DYRK1A: variants seen among roughly 807,000 people sequenced by gnomAD.
The protein encoded by DYRK1A is dual specificity tyrosine-phosphorylation-regulated kinase 1A.
A neutral mutation model predicts 79.7 loss-of-function variants in DYRK1A; 9 were observed. That is an observed-to-expected ratio of 0.11 (90% confidence interval 0.07 to 0.20). The LOEUF (loss-of-function observed/expected upper bound fraction) is 0.20, where lower values mean the gene tolerates loss of function less well. Among genes scored for constraint, DYRK1A ranks in the 10% least tolerant of loss-of-function variants. The pLI, the probability that DYRK1A is intolerant of heterozygous loss-of-function variation, is 1.00. For synonymous variants in DYRK1A, 349 were observed against 329.7 expected, an observed-to-expected ratio of 1.06 and a Z score of -0.63; for missense variants, 622 against 956.0, an observed-to-expected ratio of 0.65 and a Z score of 4.61.
chr21:37,508,189 A>G (rs887285561), intron 11 of DYRK1A, among the ~76,000 whole-genome samples: 2 of 152,222 alleles, frequency 1.3e-5, no homozygotes, highest in African/African-American at 2.4e-5. Flanking sequence ...TTGTCTTATT[A>G]GAATGGAGTG....
Position 37,478,274 on chromosome 21 carries a change from A to C in DYRK1A, c.274A>C (p.Ile92Leu). 1 of 1,614,020 alleles carries C rather than the reference A, an allele frequency of 6.2e-7. No individual in the cohort carries two copies. Among genetic ancestry groups the C allele is most frequent in the Non-Finnish European group, 8.5e-7 (1 of 1,179,878 alleles). ...APLRKLSVDL[I>L]KTYKHINEVY... ...CCTGAGAAAACTTTCTGTTGACTTG[A>C]TCAAAACATACAAGCATATTAATGA... Residue 92 changes from isoleucine to leucine, a missense_variant, in exon 4 of 12, where the codon ATC (isoleucine) becomes CTC (leucine). Ile to Leu is a conservative substitution (Grantham distance 5). Coordinates refer to ENST00000647188, the MANE Select transcript of DYRK1A (RefSeq NM_001347721.2).
chr21:37,483,701 G>T lies in DYRK1A; in HGVS notation c.490-2766G>T, dbSNP rs143828008. Among the ~76,000 whole-genome samples the T allele has an allele frequency of 4.9e-3, 746 of 152,192 alleles. 5 individuals are homozygous for T. The highest frequency in any genetic ancestry group is 0.017 in the African/African-American group (713 of 41,510). ...GGGTTCAAGTGATCCTCCCACTTCAGCCTCTAGAGTAGCTGGGACTACAGG... is the reference window on the plus strand; with the variant it reads ...GGGTTCAAGTGATCCTCCCACTTCATCCTCTAGAGTAGCTGGGACTACAGG... On this transcript the variant is annotated intron_variant, in intron 5 of 11. Transcript: ENST00000647188.
rs983377794 is a variant in DYRK1A at position 37,525,072 on chromosome 21, C to G, written c.*12541C>G. The G allele has an allele frequency of 6.6e-6, 1 of 152,186 alleles. No homozygotes were observed. The highest frequency in any genetic ancestry group is 2.4e-5 in the African/African-American group (1 of 41,418). The allele number at this position is 152,186 out of a possible 1,614,324, so 9.4% of individuals were successfully genotyped here. On this transcript the variant is annotated 3_prime_UTR_variant, in exon 12 of 12. Coordinates refer to ENST00000647188, the MANE Select transcript of DYRK1A (RefSeq NM_001347721.2). ...TGAGATTGCACCACTGTACTCCAGC[C>G]TGGATGACAGAGTGAGAACATTGTC...
chr21:37,385,027 C>A (rs1602377075), intron 1 of DYRK1A, among the ~76,000 whole-genome samples: 2 of 152,026 alleles, frequency 1.3e-5, no homozygotes, highest in African/African-American at 4.8e-5. Context: ...TTAATGTTGA[C>A]ATCTTGGACG....
chr21:37,435,213 C>T (rs1238733677), intron 2 of DYRK1A, among the ~76,000 whole-genome samples: 13 of 152,192 alleles, frequency 8.5e-5, no homozygotes, highest in African/African-American at 1.7e-4. Flanking sequence ...TTGGAAGTAG[C>T]TTTGCCCTGG....
chr21:37,473,548 G>GTTTC (rs1160824796), intron 3 of DYRK1A, among the ~76,000 whole-genome samples: 1 of 152,184 alleles, frequency 6.6e-6, no homozygotes, highest in East Asian at 1.9e-4. Context: ...TTGTGTGAAA[G>GTTTC]TTTCTTGCCC....
chr21:37,448,911 T>C (rs957034826), intron 2 of DYRK1A, among the ~76,000 whole-genome samples: 9 of 152,182 alleles, frequency 5.9e-5, no homozygotes, highest in African/African-American at 2.2e-4. Context: ...TTGTCCAGGC[T>C]GGTCTTGAAC....
intron 1 of DYRK1A, among the ~76,000 whole-genome samples, chr21:37,389,235 A>T (rs2049824042): frequency 6.6e-6 from 1 of 151,642 alleles, no homozygotes; most frequent in African/African-American, 2.4e-5. Flanking sequence ...AAACAAATAC[A>T]TACTGCAGTC....
chr21:37,403,634 TAA>T (rs11349987), intron 1 of DYRK1A, among the ~76,000 whole-genome samples: 5,467 of 119,312 alleles, frequency 0.046, 239 homozygotes, highest in African/African-American at 0.11. Flanking sequence ...CTCAGCTAAT[TAA>T]AAAAAAAAAA....
intron 1 of DYRK1A, among the ~76,000 whole-genome samples, chr21:37,370,698 G>A (rs1034907378): frequency 6.6e-6 from 1 of 152,062 alleles, no homozygotes; most frequent in Non-Finnish European, 1.5e-5. Flanking sequence ...CCAAAGTTGT[G>A]TTAGTCTTAT....
rs3216074 is a variant in DYRK1A, at chr21:37,417,529, CTTTTTTTTTTTT to C, written c.-76-2756_-76-2745del. On this transcript the variant is annotated intron_variant, in intron 1 of 11. Coordinates refer to ENST00000647188, the MANE Select transcript of DYRK1A (RefSeq NM_001347721.2). Reference sequence around the variant, plus strand: ...TTCTTTTCTTTTTCTTTTTCTTTTTCTTTTTTTTTTTTTTTTTTTTTTTTTACAAATCTTGGT... The same window carrying C: ...TTCTTTTCTTTTTCTTTTTCTTTTTCTTTTTTTTTTTTTACAAATCTTGGT... Among the ~76,000 whole-genome samples the C allele has an allele frequency of 2.3e-4, 10 of 44,048 alleles. No individual in the cohort carries two copies. The South Asian group carries it at 3.6e-3, about 16-fold the overall frequency. 28.9% of individuals were successfully genotyped at this position (44,048 alleles called of 152,430 possible). A position where few individuals can be genotyped will look rare whatever the true frequency, so the allele number is the denominator to read the frequency against.
chr21:37,437,712 T>G (rs1200472920), intron 2 of DYRK1A, among the ~76,000 whole-genome samples: 2 of 152,224 alleles, frequency 1.3e-5, no homozygotes, highest in Non-Finnish European at 2.9e-5. Context: ...TGCTGAGTAG[T>G]ATTTCATTGT....
chr21:37,389,469 A>G (rs1380268191), intron 1 of DYRK1A, among the ~76,000 whole-genome samples: 1 of 152,202 alleles, frequency 6.6e-6, no homozygotes, highest in East Asian at 1.9e-4. Flanking sequence ...CTGCCTTAAA[A>G]GAATATTTCT....
At chr21:37,399,415 A>G (rs962790148) in intron 1 of DYRK1A, among the ~76,000 whole-genome samples, 2 of 152,160 alleles carry the variant, frequency 1.3e-5, no homozygotes, top group African/African-American at 4.8e-5. Flanking sequence ...CAGGCAGGGA[A>G]AGAGTGCGGG....
rs1340775921 is a variant in DYRK1A at position 37,521,893 on chromosome 21, T to A, written c.*9362T>A. 6.6e-6 allele frequency: 1 copy of A among 152,094 alleles called. No individual in the cohort carries two copies. The highest frequency in any genetic ancestry group is 1.9e-4 in the East Asian group (1 of 5,190). The allele number at this position is 152,094 out of a possible 1,614,324, so 9.4% of individuals were successfully genotyped here. A position where few individuals can be genotyped will look rare whatever the true frequency, so the allele number is the denominator to read the frequency against. On this transcript the variant is annotated 3_prime_UTR_variant, in exon 12 of 12. Transcript: ENST00000647188. ...CCTCCCAGAGTTTGAGGACTTTGAGTGCTAAGGGCTTGTAGGAGAACGTTG... is the reference window on the plus strand; with the variant it reads ...CCTCCCAGAGTTTGAGGACTTTGAGAGCTAAGGGCTTGTAGGAGAACGTTG...
intron 10 of DYRK1A, 76 bp downstream of exon 10, chr21:37,505,665 T>C (rs770720028): frequency 4.9e-4 from 701 of 1,443,600 alleles, no homozygotes; most frequent in Admixed American, 6.2e-4. Context: ...TTTTAAAGTG[T>C]TGATTAAATT....
intron 1 of DYRK1A, among the ~76,000 whole-genome samples, chr21:37,373,833 G>A (rs939496434): frequency 1.3e-5 from 2 of 152,232 alleles, no homozygotes; most frequent in Admixed American, 1.3e-4. Flanking sequence ...TACTGAAGAA[G>A]GGGAGAATGG....
At chr21:37,471,234 T>C (rs1430974226) in intron 2 of DYRK1A, among the ~76,000 whole-genome samples, 1 of 152,210 alleles carries the variant, frequency 6.6e-6, no homozygotes, top group Non-Finnish European at 1.5e-5. Flanking sequence ...TGTTTGAGTA[T>C]TCTGTTAGGA....
At chr21:37,488,740 C>T (rs1457098945) in intron 6 of DYRK1A, 1 of 985,244 alleles carries the variant, frequency 1.0e-6, no homozygotes, top group Non-Finnish European at 1.2e-6. Context: ...ATTGTGATCA[C>T]AGAGCTTCTT....
Sources: allele counts gnomAD v4.1 joint callset (sites outside exome capture counted in the v4.1 genomes callset), GRCh38; gene constraint gnomAD v4.1.1; transcripts MANE v1.5; gene names NCBI Gene and HGNC (gene_info 2026-07-23, HGNC 2026-07-21).